The following RNF213 variants were observed in gnomAD, a reference collection of about 807,000 sequenced individuals.
The protein encoded by RNF213 is E3 ubiquitin-protein ligase RNF213.
In RNF213, 341 loss-of-function variants were observed where a neutral mutation model predicts 514.4. The observed-to-expected ratio is 0.66, with a 90% CI of 0.61 to 0.73. The LOEUF (loss-of-function observed/expected upper bound fraction) is 0.73, where lower values mean the gene tolerates loss of function less well. Ranked by LOEUF, RNF213 falls within the 30% of genes least tolerant of loss-of-function variation. RNF213 has a pLI of 0.00. For missense variants in RNF213, 5,767 were observed against 6,615.6 expected (o/e 0.87, Z 4.45); for synonymous variants, 2,655 against 2,658.2 (o/e 1.00, Z 0.04).
Position 80,343,060 on chromosome 17 carries a change from G to A in RNF213, c.5990-72G>A. On this transcript the variant is annotated intron_variant, in intron 26 of 67. Coordinates refer to ENST00000582970, the MANE Select transcript of RNF213 (RefSeq NM_001256071.3). This position sits in a 1 kb window ranked among gnomAD's most constrained non-coding sequence, Gnocchi z 4.3. ...TGACCTCAAGTGATCCCCCCGCCTC[G>A]GCCTCCCAAAGTGCTAGGATTACAG... 2 of 1,269,884 alleles carry A rather than the reference G, an allele frequency of 1.6e-6. No individual in the cohort carries two copies. Among genetic ancestry groups the A allele is most frequent in the African/African-American group, 1.5e-5 (1 of 67,830 alleles). The allele number at this position is 1,269,884 out of a possible 1,614,324, so 78.7% of individuals were successfully genotyped here. A position where few individuals can be genotyped will look rare whatever the true frequency, so the allele number is the denominator to read the frequency against.
chr17:80,349,934 C>T (rs775360250), intron 30 of RNF213, 28 bp downstream of exon 30: 5 of 1,612,306 alleles, frequency 3.1e-6, no homozygotes, highest in Middle Eastern at 4.1e-4. Context: ...CCCTGCTGCC[C>T]TCTCCCTCCC....
rs534665632 is a variant in RNF213 at position 80,339,232 on chromosome 17, C to A, written c.4865C>A (p.Ala1622Asp). The A allele has an allele frequency of 2.7e-6, 4 of 1,501,398 alleles. No homozygotes were observed. Among genetic ancestry groups the A allele is most frequent in the Non-Finnish European group, 3.5e-6 (4 of 1,126,760 alleles). The allele number at this position is 1,501,398 out of a possible 1,614,324, so 93.0% of individuals were successfully genotyped here. Residue 1622 changes from alanine to aspartate, a missense_variant, in exon 26 of 68, where the codon GCC (alanine) becomes GAC (aspartate). By Grantham distance (126) the Ala-to-Asp change is moderately radical. Transcript: ENST00000582970. The part of the protein sequence containing the change: ...VFCSVQRLSQ[A>D]FIDLHSAGNM... ...TGCAGTGTGCAGAGGCTCAGCCAGGCCTTCATCGACCTGCACTCTGCTGGG... is the reference window on the plus strand; with the variant it reads ...TGCAGTGTGCAGAGGCTCAGCCAGGACTTCATCGACCTGCACTCTGCTGGG...
In RNF213 at chr17:80,377,158, A is replaced by G; in HGVS notation, c.13510+195A>G. On this transcript the variant is annotated intron_variant, in intron 53 of 67. Coordinates refer to ENST00000582970, the MANE Select transcript of RNF213 (RefSeq NM_001256071.3). The surrounding 1 kb of genome is among the most constrained non-coding windows in gnomAD (Gnocchi z 4.1). ...GGCACTCCGCCGGCTAGATGATCCA[A>G]ACCATTTCATTTCTTTGTCGTGTGG... is the stretch of plus-strand genomic sequence containing the variant. 1 of 609,476 alleles carries G rather than the reference A, an allele frequency of 1.6e-6. No individual in the cohort carries two copies. The highest frequency in any genetic ancestry group is 3.0e-6 in the Non-Finnish European group (1 of 338,706). The allele number at this position is 609,476 out of a possible 1,614,324, so 37.8% of individuals were successfully genotyped here.
chr17:80,362,832 G>GCAGC (rs2079105361), intron 39 of RNF213, among the ~76,000 whole-genome samples: 1 of 152,200 alleles, frequency 6.6e-6, no homozygotes, highest in African/African-American at 2.4e-5. Context: ...GGGTTATTGA[G>GCAGC]CAGCCATTAA....
At chr17:80,313,199 G>A (rs998313259) in intron 15 of RNF213, 32 bp downstream of exon 15, 1 of 1,613,488 alleles carries the variant, frequency 6.2e-7, no homozygotes, top group Non-Finnish European at 8.5e-7. Context: ...TCTGGGTAGG[G>A]ATGTGACTGA....
chr17:80,389,399 A>G (rs1443981007), intron 65 of RNF213, 32 bp downstream of exon 65: 2 of 1,594,826 alleles, frequency 1.3e-6, no homozygotes, highest in Non-Finnish European at 1.7e-6. Context: ...AAATCAGCAC[A>G]GCCCCTCACC....
At chr17:80,318,813 T>C (rs1428853029) in intron 16 of RNF213, among the ~76,000 whole-genome samples, 1 of 152,182 alleles carries the variant, frequency 6.6e-6, no homozygotes, top group Non-Finnish European at 1.5e-5. Flanking sequence ...GACCTCGTGA[T>C]CCACCCGCCT....
intron 65 of RNF213, 140 bp from the exon 66 acceptor site, chr17:80,389,688 A>AT: frequency 1.3e-6 from 1 of 785,020 alleles, no homozygotes; most frequent in East Asian, 2.6e-5. Context: ...GATGGCCTTC[A>AT]CAAGGAGGGA....
chr17:80,325,960 TTTA>T (rs2046269954), intron 18 of RNF213, among the ~76,000 whole-genome samples: 1 of 151,938 alleles, frequency 6.6e-6, no homozygotes, highest in Admixed American at 6.6e-5. Context: ...TATTTATTTA[TTTA>T]TTTATTTATT....
intron 3 of RNF213, among the ~76,000 whole-genome samples, chr17:80,283,737 G>A (rs1326587947): frequency 6.6e-6 from 1 of 152,184 alleles, no homozygotes; most frequent in African/African-American, 2.4e-5. Context: ...GTGGTCAGGG[G>A]CCTGCCTCAG....
At chr17:80,374,004 C>CA (rs397968636) in intron 49 of RNF213, among the ~76,000 whole-genome samples, 52,763 of 95,834 alleles carry the variant, frequency 0.55, 12,914 homozygotes, top group Non-Finnish European at 0.6. Flanking sequence ...GACTCCGTCT[C>CA]AAAAAAAAAA....
intron 59 of RNF213, among the ~76,000 whole-genome samples, chr17:80,384,526 G>A (rs1035662923): frequency 3.3e-5 from 5 of 152,162 alleles, no homozygotes; most frequent in Non-Finnish European, 7.4e-5. Flanking sequence ...GGATGAAGAC[G>A]AGTTGGAAAC....
rs189765261 is a variant in RNF213 at position 80,339,529 on chromosome 17, C to T, written c.5162C>T (p.Pro1721Leu). The T allele has an allele frequency of 1.8e-3, 2,694 of 1,537,188 alleles. 2 individuals carry two copies. Among genetic ancestry groups the T allele is most frequent in the Non-Finnish European group, 2.1e-3 (2,451 of 1,146,884 alleles). ...AGCACTGAGCTCAGGAAGCAGCCCCCGAGTGATGCCGCCCTAACGATGCTA... is the reference window on the plus strand; with the variant it reads ...AGCACTGAGCTCAGGAAGCAGCCCCTGAGTGATGCCGCCCTAACGATGCTA... ...YLSTELRKQP[P>L]SDAALTMLSF... Residue 1721 changes from proline to leucine, a missense_variant, in exon 26 of 68, where the codon CCG (proline) becomes CTG (leucine). Pro to Leu is a moderately conservative substitution (Grantham distance 98). Coordinates refer to ENST00000582970, the MANE Select transcript of RNF213 (RefSeq NM_001256071.3).
chr17:80,354,810 TA>T (rs1379277593), intron 36 of RNF213: 1 of 574,388 alleles, frequency 1.7e-6, no homozygotes, highest in African/African-American at 1.9e-5. Context: ...TTTTTCATAC[TA>T]AAAACTTAAA....
chr17:80,376,873 G>GT lies in RNF213; in HGVS notation c.13429-4dup. 1.9e-6 allele frequency: 3 copies of GT among 1,613,440 alleles called. No homozygotes were observed. The highest frequency in any genetic ancestry group is 2.5e-6 in the Non-Finnish European group (3 of 1,179,604). ...TATCTAGAGCTGTCTCTGTCTTCTT[G>GT]TTTTTCAGCATGCTTTTCTTCCAAC... On this transcript the variant is annotated splice_polypyrimidine_tract_variant and intron_variant, in intron 52 of 67. Coordinates refer to ENST00000582970, the MANE Select transcript of RNF213 (RefSeq NM_001256071.3).
intron 32 of RNF213, 155 bp downstream of exon 32, chr17:80,351,958 G>A (rs542086655): frequency 5.5e-5 from 29 of 525,632 alleles, no homozygotes; most frequent in Non-Finnish European, 8.8e-5. Context: ...GGGTTCAAGC[G>A]ATTCTCCTGC....
intron 10 of RNF213, among the ~76,000 whole-genome samples, chr17:80,296,121 G>A (rs978205276): frequency 2.6e-5 from 4 of 152,178 alleles, no homozygotes; most frequent in Non-Finnish European, 5.9e-5. Flanking sequence ...CCAGGTTTAG[G>A]CAATTCTCCT....
chr17:80,337,777 GCCAGT>G, intron 24 of RNF213, 51 bp downstream of exon 24: 2 of 1,536,974 alleles, frequency 1.3e-6, no homozygotes, highest in Non-Finnish European at 1.7e-6. Flanking sequence ...GCAGGCTGCT[GCCAGT>G]CCAGGTCTTC....
At chr17:80,279,160 A>G (rs1046563422) in intron 3 of RNF213, among the ~76,000 whole-genome samples, 3 of 152,198 alleles carry the variant, frequency 2.0e-5, no homozygotes, top group African/African-American at 7.2e-5. Context: ...TCTGGCCCAC[A>G]TCCTTCCACT....
Sources: gnomAD v4.1 joint callset for allele counts (sites outside exome capture counted in the v4.1 genomes callset) on GRCh38, gnomAD v4.1.1 for gene constraint, Gnocchi (gnomAD v3.1) non-coding constraint, MANE v1.5 for transcripts, NCBI Gene and HGNC (gene_info 2026-07-23, HGNC 2026-07-21) for gene names.